The following FGD6 variants were observed in gnomAD, a reference collection of about 807,000 sequenced individuals.
The protein encoded by FGD6 is FYVE, RhoGEF and PH domain-containing protein 6.
Under a neutral mutation model 149.4 loss-of-function variants are expected in FGD6, and 90 were observed. The ratio of observed to expected loss-of-function variants is 0.60; its 90% CI spans 0.51 to 0.72. The LOEUF is 0.72. Ranked by LOEUF, FGD6 falls within the 30% of genes least tolerant of loss-of-function variation. The pLI, the probability that FGD6 is intolerant of heterozygous loss-of-function variation, is 0.00. For missense variants in FGD6, 1,437 were observed against 1,684.8 expected (o/e 0.85, Z 2.57); for synonymous variants, 527 against 584.0 (o/e 0.90, Z 1.41).
chr12:95,187,060 A>T (rs1465885660), intron 2 of FGD6, among the ~76,000 whole-genome samples: 5 of 151,918 alleles, frequency 3.3e-5, no homozygotes, highest in Non-Finnish European at 7.4e-5. Flanking sequence ...GGCCGGGCAT[A>T]GTGGCTCATG....
At chr12:95,145,463 G>C (rs1395351511) in intron 5 of FGD6, among the ~76,000 whole-genome samples, 4 of 152,134 alleles carry the variant, frequency 2.6e-5, no homozygotes, top group Non-Finnish European at 5.9e-5. Context: ...GGTGATGTAT[G>C]ATCACCCTGG....
intron 14 of FGD6, chr12:95,100,753 G>A (rs1480571085): frequency 2.0e-5 from 10 of 507,352 alleles, no homozygotes; most frequent in Non-Finnish European, 3.9e-5. Context: ...CTGGAGCAAG[G>A]ATATCAATGC....
chr12:95,209,976 C>A lies in FGD6; in HGVS notation c.1308G>T (p.Met436Ile). ...CGGTCCCTTCGTCCACAGCAAGCGA[C>A]ATACTAGAACCATCTACAGTTGTGC... is the stretch of plus-strand genomic sequence containing the variant. ...SDSTTVDGSSMSLAVDEGTGF... is the reference protein window; with the variant it reads ...SDSTTVDGSSISLAVDEGTGF... Residue 436 changes from methionine (M) to isoleucine (I), a missense_variant, in exon 2 of 21, where the codon ATG becomes ATT. Met to Ile is a conservative substitution (Grantham distance 10). This residue lies in a region of FGD6 where 1,055 missense variants were observed against 1,146.0 expected (regional missense o/e 0.92). Coordinates refer to ENST00000343958, the MANE Select transcript of FGD6 (RefSeq NM_018351.4). The A allele has an allele frequency of 6.2e-7, 1 of 1,611,804 alleles. No individual in the cohort carries two copies. The highest frequency in any genetic ancestry group is 8.5e-7 in the Non-Finnish European group (1 of 1,179,236).
At chr12:95,211,552 T>TC (rs1264645354) in intron 1 of FGD6, among the ~76,000 whole-genome samples, 1 of 151,434 alleles carries the variant, frequency 6.6e-6, no homozygotes, top group Non-Finnish European at 1.5e-5. Context: ...CTTTTTTTTT[T>TC]TTTGTGAGAC....
chr12:95,126,069 A>G, intron 8 of FGD6: 3 of 1,204,280 alleles, frequency 2.5e-6, no homozygotes, highest in Non-Finnish European at 1.2e-6. Context: ...GAAAGCCAAG[A>G]TGACAGATTC....
intron 2 of FGD6, among the ~76,000 whole-genome samples, chr12:95,185,515 T>A (rs1881403060): frequency 6.6e-6 from 1 of 152,170 alleles, no homozygotes; most frequent in Non-Finnish European, 1.5e-5. Flanking sequence ...CACTCATGGC[T>A]GTGTGTAACT....
chr12:95,199,944 C>T (rs1881829650), intron 2 of FGD6, among the ~76,000 whole-genome samples: 1 of 152,012 alleles, frequency 6.6e-6, no homozygotes, highest in Non-Finnish European at 1.5e-5. Flanking sequence ...ATCAAAAGAC[C>T]AAAAGAAAGT....
At chr12:95,194,060 A>ACTCAGTCCTAGCCC (rs1186040511) in intron 2 of FGD6, among the ~76,000 whole-genome samples, 24 of 152,116 alleles carry the variant, frequency 1.6e-4, no homozygotes, top group Middle Eastern at 3.4e-3. Context: ...CAGACTCCCA[A>ACTCAGTCCTAGCCC]GTAGCTAGGA....
At chr12:95,162,903 C>T (rs1880689001) in intron 3 of FGD6, among the ~76,000 whole-genome samples, 1 of 152,184 alleles carries the variant, frequency 6.6e-6, no homozygotes, top group African/African-American at 2.4e-5. Context: ...TGATCCTTTC[C>T]TCTCCTTTGA....
At chr12:95,208,180 G>A (rs1249185614) in intron 2 of FGD6, among the ~76,000 whole-genome samples, 1 of 151,980 alleles carries the variant, frequency 6.6e-6, no homozygotes, top group Non-Finnish European at 1.5e-5. Flanking sequence ...TGAGCCTGGG[G>A]AGTCGAGGCT....
At chr12:95,093,090 G>A (rs891536587) in intron 15 of FGD6, among the ~76,000 whole-genome samples, 28 of 152,158 alleles carry the variant, frequency 1.8e-4, no homozygotes, top group Admixed American at 1.0e-3. Context: ...GTGTGGTGGC[G>A]GGTGCCTGTG....
In FGD6 at chr12:95,088,822, C is replaced by T. The variant is rs148575859; in HGVS notation, c.3978+747G>A. Among the ~76,000 whole-genome samples, 36 of 152,288 alleles carry T rather than the reference C, an allele frequency of 2.4e-4. 1 individual carries two copies. Among genetic ancestry groups the T allele is most frequent in the Middle Eastern group, 3.4e-3 (1 of 294 alleles). ...ACACTGTGTTTCAACTGGGAATATA[C>T]TCGTAACTTTACATAAGAAACATGA... On this transcript the variant is annotated intron_variant, in intron 18 of 20. Transcript: ENST00000343958.
At chr12:95,163,543 T>C (rs1880708273) in intron 3 of FGD6, among the ~76,000 whole-genome samples, 1 of 152,234 alleles carries the variant, frequency 6.6e-6, no homozygotes, top group South Asian at 2.1e-4. Flanking sequence ...CGCTGCTTGG[T>C]CCACTGTGCA....
chr12:95,183,428 G>A (rs1309934595), intron 2 of FGD6, among the ~76,000 whole-genome samples: 1 of 152,208 alleles, frequency 6.6e-6, no homozygotes, highest in Non-Finnish European at 1.5e-5. Flanking sequence ...CCTCTAGGCT[G>A]GGACTACATG....
At chr12:95,140,010 C>T (rs1046079159) in intron 6 of FGD6, among the ~76,000 whole-genome samples, 2 of 152,084 alleles carry the variant, frequency 1.3e-5, no homozygotes, top group South Asian at 2.1e-4. Flanking sequence ...ACTTAGGCTA[C>T]GGCTATGTAT....
intron 13 of FGD6, among the ~76,000 whole-genome samples, chr12:95,106,492 G>T (rs1263932475): frequency 6.7e-6 from 1 of 149,584 alleles, no homozygotes; most frequent in African/African-American, 2.5e-5. Context: ...CACTATGTTG[G>T]TCAGGCTGAT....
chr12:95,147,653 G>C (rs1880054356), intron 5 of FGD6, among the ~76,000 whole-genome samples: 1 of 152,010 alleles, frequency 6.6e-6, no homozygotes, highest in Non-Finnish European at 1.5e-5. Context: ...TAAGTACAAG[G>C]GCTCAGACAG....
chr12:95,176,442 T>C (rs1881134598), intron 2 of FGD6, among the ~76,000 whole-genome samples: 1 of 152,186 alleles, frequency 6.6e-6, no homozygotes, highest in South Asian at 2.1e-4. Flanking sequence ...AAAAGGAAAG[T>C]AAGCTCCAAC....
chr12:95,138,384 A>C (rs1166221332), intron 6 of FGD6, among the ~76,000 whole-genome samples: 2 of 151,782 alleles, frequency 1.3e-5, no homozygotes, highest in African/African-American at 4.8e-5. Context: ...CCTCTACTAA[A>C]AATACAAATA....
Sources: gnomAD v4.1 joint callset for allele counts (sites outside exome capture counted in the v4.1 genomes callset) on GRCh38, gnomAD v4.1.1 for gene constraint, gnomAD v4.1.1 regional missense constraint, MANE v1.5 for transcripts, NCBI Gene and HGNC (gene_info 2026-07-23, HGNC 2026-07-21) for gene names.